ANKAR: variants seen among roughly 807,000 people sequenced by gnomAD.
ANKAR encodes ankyrin and armadillo repeat containing.
ANKAR carries 136 observed loss-of-function variants against 146.2 expected under a neutral mutation model. That is an observed-to-expected ratio of 0.93 (90% CI 0.81 to 1.07). The LOEUF is 1.07. ANKAR is among the 50% of genes least tolerant of loss of function. The probability of loss-of-function intolerance (pLI) is 0.00; values close to 1 mark genes in which losing one functional copy is unlikely to be tolerated. For synonymous variants in ANKAR, 500 were observed against 575.8 expected, an observed-to-expected ratio of 0.87 and a Z score of 1.88; for missense variants, 1,567 against 1,679.9, an observed-to-expected ratio of 0.93 and a Z score of 1.18.
At chr2:189,711,756 G>C (rs1342275942) in intron 10 of ANKAR, among the ~76,000 whole-genome samples, 3 of 152,186 alleles carry the variant, frequency 2.0e-5, no homozygotes, top group Admixed American at 2.0e-4. Flanking sequence ...TGGACAGTGG[G>C]TACAGCCCAT....
chr2:189,707,966 T>C (rs2039181797), intron 9 of ANKAR, among the ~76,000 whole-genome samples: 1 of 152,088 alleles, frequency 6.6e-6, no homozygotes, highest in Non-Finnish European at 1.5e-5. Context: ...TTAGGAGTGC[T>C]CTCCTCAAAG....
In ANKAR at chr2:189,742,957, CACACACACACACACACACACA is replaced by C. The variant is rs2043574443; in HGVS notation, c.3811-317_3811-297del. ...ACACACACACACACACACACACACACACACACACACACACACACACACACCCCTGAAAGGATTCTGATTTAG... is the reference window on the plus strand; with the variant it reads ...ACACACACACACACACACACACACACCACCCCTGAAAGGATTCTGATTTAG... On this transcript the variant is annotated intron_variant, in intron 20 of 22. Coordinates refer to ENST00000684021, the MANE Select transcript of ANKAR (RefSeq NM_001378068.1). Among the ~76,000 whole-genome samples the C allele has an allele frequency of 9.7e-5, 14 of 144,432 alleles. No homozygotes were observed. The South Asian group carries it at 1.5e-3, about 16-fold the overall frequency. The allele number at this position is 144,432 out of a possible 152,430, so 94.8% of individuals were successfully genotyped here. A position where few individuals can be genotyped will look rare whatever the true frequency, so the allele number is the denominator to read the frequency against.
chr2:189,746,350 G>T (rs2044163523), intron 22 of ANKAR, 30 bp from the exon 23 acceptor site: 1 of 1,578,622 alleles, frequency 6.3e-7, no homozygotes, highest in East Asian at 2.2e-5. Context: ...GGGCTCTCAG[G>T]AGAGACATTT....
chr2:189,680,194 T>G (rs909443748), intron 2 of ANKAR, among the ~76,000 whole-genome samples: 4 of 152,200 alleles, frequency 2.6e-5, no homozygotes, highest in Non-Finnish European at 4.4e-5. Flanking sequence ...TTCCAGGAAT[T>G]TATCCATCTC....
chr2:189,734,709 T>G (rs1406719889), intron 17 of ANKAR, among the ~76,000 whole-genome samples: 1 of 152,022 alleles, frequency 6.6e-6, no homozygotes, highest in African/African-American at 2.4e-5. Context: ...TATAAAAATA[T>G]GGGAAATATT....
At chr2:189,705,348 A>G (rs1425056440) in intron 8 of ANKAR, 124 bp downstream of exon 8, 2 of 954,010 alleles carry the variant, frequency 2.1e-6, no homozygotes, top group Non-Finnish European at 3.1e-6. Context: ...ACACACTGCC[A>G]CTAAAAGGTG....
rs1397323217 is a variant in ANKAR at position 189,719,720 on chromosome 2, A to T, written c.2373A>T (p.Leu791=). 3.7e-6 allele frequency: 6 copies of T among 1,613,902 alleles called. No homozygotes were observed. In the Admixed American group the frequency reaches 6.7e-5, roughly 18 times the overall value. ...EAGGIPSLIN[L]LVCDEPEVHS... is the part of the protein sequence containing the mutation. ...GAGGCATTCCATCTCTAATCAACCT[A>T]CTGGTTTGTGATGAGCCTGAAGTAC... Residue 791 remains leucine (L), a synonymous_variant, in exon 11 of 23, where the codon CTA becomes CTT. Coordinates refer to ENST00000684021, the MANE Select transcript of ANKAR (RefSeq NM_001378068.1).
intron 17 of ANKAR, among the ~76,000 whole-genome samples, chr2:189,736,403 T>C (rs1317519254): frequency 6.6e-6 from 1 of 152,114 alleles, no homozygotes; most frequent in African/African-American, 2.4e-5. Context: ...TCTATTTTGC[T>C]GTCTGTTAAT....
chr2:189,706,779 G>A (rs1478540903), intron 8 of ANKAR, among the ~76,000 whole-genome samples, 159 bp from the exon 9 acceptor site: 2 of 152,170 alleles, frequency 1.3e-5, no homozygotes, highest in African/African-American at 4.8e-5. Context: ...TGGCAAAGGA[G>A]GCAAATCCAT....
intron 10 of ANKAR, among the ~76,000 whole-genome samples, chr2:189,712,051 C>T (rs566596593): frequency 3.3e-4 from 51 of 152,294 alleles, no homozygotes; most frequent in Admixed American, 7.2e-4. Flanking sequence ...GAGGGGCATT[C>T]GCCACTGCTG....
intron 11 of ANKAR, among the ~76,000 whole-genome samples, chr2:189,720,295 T>G (rs774497287): frequency 6.6e-6 from 1 of 152,108 alleles, no homozygotes; most frequent in Non-Finnish European, 1.5e-5. Flanking sequence ...GTCACCAGGC[T>G]GGGGTGCAAT....
intron 9 of ANKAR, among the ~76,000 whole-genome samples, chr2:189,708,104 G>T (rs553650387): frequency 1.3e-5 from 2 of 152,292 alleles, no homozygotes; most frequent in Admixed American, 6.5e-5. Flanking sequence ...AAGACAGCAA[G>T]GGGAAGTTCC....
At position 189,680,710 on chromosome 2, in the gene ANKAR, A is replaced by G. The variant is rs374982621; in HGVS notation, c.601+3619A>G. Among the ~76,000 whole-genome samples, 28 of 152,162 alleles carry G rather than the reference A, an allele frequency of 1.8e-4. No individual in the cohort carries two copies. The South Asian group carries it at 5.8e-3, about 32-fold the overall frequency. ...TGACCCAAAGATCATTCTGGAGCAG[A>G]TTATTTCATTTCCGTGTGTTTATAT... On this transcript the variant is annotated intron_variant, in intron 2 of 22. Coordinates refer to ENST00000684021, the MANE Select transcript of ANKAR (RefSeq NM_001378068.1).
intron 10 of ANKAR, among the ~76,000 whole-genome samples, chr2:189,713,951 A>G (rs1043362145): frequency 6.6e-6 from 1 of 152,196 alleles, no homozygotes; most frequent in Non-Finnish European, 1.5e-5. Context: ...AAAAAATAGC[A>G]GGGGTTGCCA....
chr2:189,741,706 C>T (rs936055683), intron 20 of ANKAR, among the ~76,000 whole-genome samples: 2 of 151,950 alleles, frequency 1.3e-5, no homozygotes, highest in African/African-American at 4.8e-5. Flanking sequence ...TAAAAATATA[C>T]ATTTGTTTTA....
intron 18 of ANKAR, among the ~76,000 whole-genome samples, chr2:189,756,825 A>G (rs1215661240): frequency 6.6e-6 from 1 of 152,100 alleles, no homozygotes; most frequent in African/African-American, 2.4e-5. Flanking sequence ...AGCCCATCCT[A>G]TATTGCTGCC....
intron 17 of ANKAR, among the ~76,000 whole-genome samples, chr2:189,737,097 A>G (rs530229278): frequency 2.3e-4 from 31 of 133,926 alleles, no homozygotes; most frequent in Non-Finnish European, 4.4e-4. Flanking sequence ...AAAAGAAAAA[A>G]AAAGAAAAGA....
chr2:189,687,706 T>C lies in ANKAR; in HGVS notation c.602-1821T>C, dbSNP rs1441321822. 3.3e-5 allele frequency among the ~76,000 whole-genome samples: 5 copies of C among 152,244 alleles called. No individual in the cohort carries two copies. The East Asian group carries it at 9.6e-4, about 29-fold the overall frequency. ...ATAGTTTTGATTTGCATTTCTCTGA[T>C]GATCAGAGATGTTGAACACCTTTTC... On this transcript the variant is annotated intron_variant, in intron 2 of 22. Transcript: ENST00000684021.
chr2:189,691,992 G>A (rs1256122947), intron 3 of ANKAR, among the ~76,000 whole-genome samples: 1 of 151,986 alleles, frequency 6.6e-6, no homozygotes, highest in East Asian at 1.9e-4. Flanking sequence ...GAACTTCTAG[G>A]CTCAAGCGAT....
Sources: allele counts gnomAD v4.1 joint callset (sites outside exome capture counted in the v4.1 genomes callset), GRCh38; gene constraint gnomAD v4.1.1; transcripts MANE v1.5; gene names NCBI Gene and HGNC (gene_info 2026-07-23, HGNC 2026-07-21).